IGF1R: variants seen among roughly 807,000 people sequenced by gnomAD.
IGF1R encodes the protein insulin-like growth factor 1 receptor.
Under a neutral mutation model 144.6 loss-of-function variants are expected in IGF1R, and 44 were observed. The observed-to-expected ratio is 0.30, with a 90% confidence interval of 0.24 to 0.39. IGF1R has a LOEUF of 0.39. Among genes scored for constraint, IGF1R ranks in the 10% least tolerant of loss-of-function variants. The probability of loss-of-function intolerance (pLI) is 1.00; values close to 1 mark genes in which losing one functional copy is unlikely to be tolerated. For synonymous variants in IGF1R, 795 were observed against 722.8 expected, an observed-to-expected ratio of 1.10 and a Z score of -1.60; for missense variants, 1,355 against 1,833.7, an observed-to-expected ratio of 0.74 and a Z score of 4.77.
rs2053664046 is a variant in IGF1R, at chr15:98,699,062, G to A, written c.95-8500G>A. Among the ~76,000 whole-genome samples the A allele has an allele frequency of 2.6e-5, 4 of 152,368 alleles. No individual in the cohort carries two copies. In the South Asian group the frequency reaches 8.3e-4, roughly 32 times the overall value. On this transcript the variant is annotated intron_variant, in intron 1 of 20. Transcript: ENST00000650285. ...CGACTTTTATTTAGGACATTTGCCTGGTTCTGAGAAGAAAGTTGAAAGTCA... is the reference window on the plus strand; with the variant it reads ...CGACTTTTATTTAGGACATTTGCCTAGTTCTGAGAAGAAAGTTGAAAGTCA...
chr15:98,651,330 G>A (rs988100448), intron 1 of IGF1R, among the ~76,000 whole-genome samples: 1 of 152,210 alleles, frequency 6.6e-6, no homozygotes, highest in African/African-American at 2.4e-5. Context: ...GACTGGGGCC[G>A]GACCTTCCAC....
chr15:98,946,786 G>A (rs891123371), intron 19 of IGF1R, among the ~76,000 whole-genome samples: 1 of 152,172 alleles, frequency 6.6e-6, no homozygotes, highest in Non-Finnish European at 1.5e-5. Flanking sequence ...GAGCCGTGCC[G>A]TGAGAACTGG....
chr15:98,934,568 G>A (rs1463489798), intron 15 of IGF1R, among the ~76,000 whole-genome samples: 1 of 152,014 alleles, frequency 6.6e-6, no homozygotes, highest in African/African-American at 2.4e-5. Context: ...GCTTTGTTCT[G>A]GTCCTTCTAT....
intron 2 of IGF1R, among the ~76,000 whole-genome samples, chr15:98,754,152 C>T (rs45546533): frequency 0.038 from 5,739 of 152,198 alleles, 368 homozygotes; most frequent in African/African-American, 0.13. Context: ...GTATCAGGAT[C>T]GGGAGGTAAC....
chr15:98,677,168 C>G (rs1168575271), intron 1 of IGF1R, among the ~76,000 whole-genome samples: 8 of 152,020 alleles, frequency 5.3e-5, no homozygotes, highest in Admixed American at 2.6e-4. Flanking sequence ...AACTCATGAC[C>G]TCAAGTGATC....
At chr15:98,948,159 A>G (rs182239800) in intron 19 of IGF1R, among the ~76,000 whole-genome samples, 3 of 152,318 alleles carry the variant, frequency 2.0e-5, no homozygotes, top group East Asian at 3.9e-4. Flanking sequence ...TACTAAGTCA[A>G]TGTCCAGGCT....
intron 2 of IGF1R, among the ~76,000 whole-genome samples, chr15:98,851,494 TCTC>T (rs1413749071): frequency 1.3e-5 from 2 of 152,230 alleles, no homozygotes; most frequent in African/African-American, 4.8e-5. Flanking sequence ...CCCGTGGCCT[TCTC>T]CTACCTTCCC....
intron 2 of IGF1R, among the ~76,000 whole-genome samples, chr15:98,748,664 A>T (rs1314150616): frequency 1.3e-5 from 2 of 152,226 alleles, no homozygotes; most frequent in African/African-American, 2.4e-5. Flanking sequence ...CGCTTCTATG[A>T]CTTATAATAT....
At chr15:98,682,063 C>A (rs2053202847) in intron 1 of IGF1R, among the ~76,000 whole-genome samples, 2 of 152,154 alleles carry the variant, frequency 1.3e-5, no homozygotes, top group Admixed American at 6.5e-5. Context: ...CTTCTAGGGG[C>A]AGGACTGATG....
Position 98,916,521 on chromosome 15 carries a change from C to A in IGF1R, c.1997-151C>A, listed in dbSNP as rs896715520. ...AGGTGATTTGCCCGCCTCGGCCTCC[C>A]AAAGTGCTGGGATTATAGCCTTGAG... On this transcript the variant is annotated intron_variant, in intron 9 of 20. Transcript: ENST00000650285. 6 of 771,290 alleles carry A rather than the reference C, an allele frequency of 7.8e-6. No individual in the cohort carries two copies. The African/African-American group carries it at 1.0e-4, about 13-fold the overall frequency. The allele number at this position is 771,290 out of a possible 1,614,324, so 47.8% of individuals were successfully genotyped here.
chr15:98,943,107 C>T (rs1596476285), intron 19 of IGF1R, 55 bp downstream of exon 19: 6 of 1,600,016 alleles, frequency 3.7e-6, no homozygotes, highest in East Asian at 4.5e-5. Context: ...CTGCACTTTC[C>T]ACCAGCTCAG....
At chr15:98,897,385 T>G (rs1220134397) in intron 4 of IGF1R, 3 of 181,968 alleles carry the variant, frequency 1.6e-5, no homozygotes, top group African/African-American at 7.2e-5. Flanking sequence ...ATTTCCAAAT[T>G]TACTTGTGAG....
At chr15:98,796,325 C>G (rs546874635) in intron 2 of IGF1R, among the ~76,000 whole-genome samples, 1 of 152,174 alleles carries the variant, frequency 6.6e-6, no homozygotes, top group East Asian at 1.9e-4. Context: ...TTGTAAAAGC[C>G]CAGCTTTTCA....
At chr15:98,948,244 C>T (rs540226787) in intron 19 of IGF1R, among the ~76,000 whole-genome samples, 18 of 152,204 alleles carry the variant, frequency 1.2e-4, no homozygotes, top group African/African-American at 4.3e-4. Flanking sequence ...GATAAATGGC[C>T]GGGACTAGGT....
chr15:98,722,828 A>G (rs1467577364), intron 2 of IGF1R, among the ~76,000 whole-genome samples: 3 of 152,082 alleles, frequency 2.0e-5, no homozygotes, highest in African/African-American at 7.2e-5. Flanking sequence ...GTGAGAGAGC[A>G]GGCACTGAGT....
chr15:98,802,289 A>G (rs957987408), intron 2 of IGF1R, among the ~76,000 whole-genome samples: 17 of 152,212 alleles, frequency 1.1e-4, no homozygotes, highest in African/African-American at 4.1e-4. Context: ...TCTTGAGAGT[A>G]TAAAATAAAG....
At chr15:98,701,022 T>C (rs1244839585) in intron 1 of IGF1R, among the ~76,000 whole-genome samples, 1 of 152,166 alleles carries the variant, frequency 6.6e-6, no homozygotes, top group Non-Finnish European at 1.5e-5. Flanking sequence ...TCTTAAATCA[T>C]TTTGACTTTC....
intron 2 of IGF1R, among the ~76,000 whole-genome samples, chr15:98,770,523 C>T (rs920076440): frequency 6.6e-6 from 1 of 152,158 alleles, no homozygotes; most frequent in Non-Finnish European, 1.5e-5. Context: ...CCTAATTATT[C>T]TGATCATTAT....
intron 2 of IGF1R, among the ~76,000 whole-genome samples, chr15:98,832,880 A>G (rs2057027101): frequency 6.6e-6 from 1 of 152,228 alleles, no homozygotes; most frequent in African/African-American, 2.4e-5. Flanking sequence ...TTTATTGTAA[A>G]TAGTACGTTA....
Sources: allele counts gnomAD v4.1 joint callset (sites outside exome capture counted in the v4.1 genomes callset), GRCh38; gene constraint gnomAD v4.1.1; transcripts MANE v1.5; gene names NCBI Gene and HGNC (gene_info 2026-07-23, HGNC 2026-07-21).